PCDHA4: variants seen among roughly 807,000 people sequenced by gnomAD.
The protein encoded by PCDHA4 is protocadherin alpha 4.
Under a neutral mutation model 61.4 loss-of-function variants are expected in PCDHA4, and 49 were observed. The ratio of observed to expected loss-of-function variants is 0.80; its 90% CI spans 0.63 to 1.01. The LOEUF (loss-of-function observed/expected upper bound fraction) is 1.01, where lower values mean the gene tolerates loss of function less well. PCDHA4 is among the 50% of genes least tolerant of loss of function. PCDHA4 has a pLI of 0.00. For synonymous variants in PCDHA4, 590 were observed against 550.3 expected (o/e 1.07, Z -1.01); for missense variants, 1,254 against 1,235.8 (o/e 1.01, Z -0.22).
chr5:140,863,076 G>C (rs782126148), intron 1 of PCDHA4: 2 of 570,034 alleles, frequency 3.5e-6, no homozygotes, highest in South Asian at 2.7e-5. Context: ...GGCTCTGCAC[G>C]GGCGAGATCA....
chr5:140,869,698 T>C (rs782072995), intron 1 of PCDHA4: 4 of 1,613,236 alleles, frequency 2.5e-6, no homozygotes, highest in Middle Eastern at 1.6e-4. Context: ...TTTAAAGAAG[T>C]CTCTGGATAG....
intron 1 of PCDHA4, among the ~76,000 whole-genome samples, chr5:140,838,146 C>T (rs1775571297): frequency 2.0e-5 from 3 of 149,200 alleles, no homozygotes; most frequent in Non-Finnish European, 4.5e-5. Flanking sequence ...CAGAGTTTTA[C>T]TCTGTCGCCC....
rs2150418084 is a variant in PCDHA4 at position 140,848,701 on chromosome 5, A to G, written c.2385+39129A>G. The G allele has an allele frequency of 3.1e-6, 5 of 1,592,360 alleles. 1 individual carries two copies. In the South Asian group the frequency reaches 4.4e-5, roughly 14 times the overall value. On this transcript the variant is annotated intron_variant, in intron 1 of 3. Transcript: ENST00000530339. Reference sequence around the variant, plus strand: ...CCGCGCCTGTTCCAGTTGGATTCCAAAGGCCGCGGGGACCTTCTGGAGGTA... The same window carrying G: ...CCGCGCCTGTTCCAGTTGGATTCCAGAGGCCGCGGGGACCTTCTGGAGGTA...
At chr5:140,966,836 C>T in intron 1 of PCDHA4, 1 of 1,565,250 alleles carries the variant, frequency 6.4e-7, no homozygotes, top group Non-Finnish European at 8.6e-7. Context: ...GCCCTGGCTG[C>T]TGCTACTGCC....
At chr5:140,945,569 A>C (rs575302416) in intron 1 of PCDHA4, among the ~76,000 whole-genome samples, 2 of 152,256 alleles carry the variant, frequency 1.3e-5, no homozygotes, top group South Asian at 4.1e-4. Context: ...ACATCATACT[A>C]CCTGGCTTCA....
At position 141,001,385 on chromosome 5, in the gene PCDHA4, T is replaced by A. The variant is rs540420313; in HGVS notation, c.2534-8242T>A. 3.9e-5 allele frequency among the ~76,000 whole-genome samples: 6 copies of A among 152,316 alleles called. No homozygotes were observed. The East Asian group carries it at 1.2e-3, about 29-fold the overall frequency. ...ACTATTCTGATTACAGAGCCTAAGA[T>A]CCTACAGAGAACAGGGAGTATATTT... On this transcript the variant is annotated intron_variant, in intron 3 of 3. Transcript: ENST00000530339.
chr5:140,928,459 T>C (rs2085267166), intron 1 of PCDHA4: 1 of 1,614,106 alleles, frequency 6.2e-7, no homozygotes, highest in Non-Finnish European at 8.5e-7. Flanking sequence ...GGGGTTTCAT[T>C]TCCAAGTAGA....
rs782723382 is a variant in PCDHA4 at position 140,807,795 on chromosome 5, A to G, written c.608A>G (p.Glu203Gly). The G allele has an allele frequency of 5.0e-6, 8 of 1,614,158 alleles. No individual in the cohort carries two copies. The Admixed American group carries it at 1.3e-4, about 27-fold the overall frequency. The stretch of plus-strand genomic sequence containing the variant: ...ATATTACGGAAATCTTTAGACAGAG[A>G]AGAAGCTCCGGAGATTTTTTTAGTG... ...GLILRKSLDR[E>G]EAPEIFLVLT... The change falls in exon 1 of 4, where the codon GAA becomes GGA. Residue 203 changes from glutamate to glycine, a missense_variant. Glu to Gly is a moderately conservative substitution (Grantham distance 98). Coordinates refer to ENST00000530339, the MANE Select transcript of PCDHA4 (RefSeq NM_018907.4).
At chr5:140,904,143 T>C (rs1370565805) in intron 1 of PCDHA4, among the ~76,000 whole-genome samples, 1 of 152,136 alleles carries the variant, frequency 6.6e-6, no homozygotes, top group Non-Finnish European at 1.5e-5. Context: ...CCGAGCAGTA[T>C]ACATTGCACC....
Position 140,871,493 on chromosome 5 carries a change from A to G in PCDHA4, c.2385+61921A>G, listed in dbSNP as rs968230550. 7 of 1,589,034 alleles carry G rather than the reference A, an allele frequency of 4.4e-6. No homozygotes were observed. Among genetic ancestry groups the G allele is most frequent in the Non-Finnish European group, 6.0e-6 (7 of 1,166,200 alleles). Reference sequence around the variant, plus strand: ...GAGCCAGGGTCAAATCACCCCGGACAGGTGAGTTTTCTACAGATTCCACCT... The same window carrying G: ...GAGCCAGGGTCAAATCACCCCGGACGGGTGAGTTTTCTACAGATTCCACCT... On this transcript the variant is annotated intron_variant, in intron 1 of 3. Coordinates refer to ENST00000530339, the MANE Select transcript of PCDHA4 (RefSeq NM_018907.4).
At chr5:140,871,203 C>T in intron 1 of PCDHA4, 1 of 1,613,744 alleles carries the variant, frequency 6.2e-7, no homozygotes, top group East Asian at 2.2e-5. Context: ...TGTACCTGAT[C>T]ATCGCCATCT....
At chr5:140,850,307 C>T (rs2150478733) in intron 1 of PCDHA4, 1 of 1,597,050 alleles carries the variant, frequency 6.3e-7, no homozygotes, top group Non-Finnish European at 8.6e-7. Flanking sequence ...CGGGCTACAA[C>T]GCGTGGCTTT....
chr5:140,962,370 T>G (rs1554225991), intron 1 of PCDHA4, among the ~76,000 whole-genome samples: 1 of 152,214 alleles, frequency 6.6e-6, no homozygotes, highest in South Asian at 2.1e-4. Flanking sequence ...GCTAGTTTGA[T>G]TTTATCTGTT....
At chr5:140,838,126 GTGTGTT>G (rs1562369435) in intron 1 of PCDHA4, among the ~76,000 whole-genome samples, 1 of 138,748 alleles carries the variant, frequency 7.2e-6, no homozygotes, top group Admixed American at 7.2e-5. Context: ...GTGTGTGTGT[GTGTGTT>G]TGACAGAGTT....
At chr5:140,848,770 G>A in intron 1 of PCDHA4, 1 of 1,593,518 alleles carries the variant, frequency 6.3e-7, no homozygotes, top group Non-Finnish European at 8.6e-7. Flanking sequence ...CGGATCGACC[G>A]CGAGGAGCTG....
rs376462906 is a variant in PCDHA4, at chr5:140,873,767, TCTC to T, written c.2385+64198_2385+64200del. Among the ~76,000 whole-genome samples, 393 of 152,280 alleles carry T rather than the reference TCTC, an allele frequency of 2.6e-3. 1 individual carries two copies. The highest frequency in any genetic ancestry group is 9.2e-3 in the African/African-American group (382 of 41,558). On this transcript the variant is annotated intron_variant, in intron 1 of 3. Transcript: ENST00000530339. ...TCTCCACCTCCCATGTTCAAGCAAT[TCTC>T]CTGCCTCAGCTTTCCGAGAAGCTGG...
At chr5:140,871,010 TGG>T in intron 1 of PCDHA4, 1 of 1,613,348 alleles carries the variant, frequency 6.2e-7, no homozygotes, top group South Asian at 1.1e-5. Context: ...ACGCGTGCCC[TGG>T]ACGAGGCAGA....
chr5:140,999,011 A>G (rs2097843002), intron 3 of PCDHA4, among the ~76,000 whole-genome samples: 1 of 152,246 alleles, frequency 6.6e-6, no homozygotes, highest in Non-Finnish European at 1.5e-5. Flanking sequence ...CTGAGATTTG[A>G]ACCCAAGACT....
At chr5:140,842,131 T>A (rs2150330149) in intron 1 of PCDHA4, 1 of 1,613,890 alleles carries the variant, frequency 6.2e-7, no homozygotes, top group South Asian at 1.1e-5. Flanking sequence ...CTGATCCGGA[T>A]GAAGGAGCCA....
Sources: allele counts gnomAD v4.1 joint callset (sites outside exome capture counted in the v4.1 genomes callset), GRCh38; gene constraint gnomAD v4.1.1; transcripts MANE v1.5; gene names NCBI Gene and HGNC (gene_info 2026-07-23, HGNC 2026-07-21).